The following MROH2A variants were observed in gnomAD, a reference collection of about 807,000 sequenced individuals.
MROH2A encodes maestro heat-like repeat-containing protein family member 2A.
Under a neutral mutation model 200.4 loss-of-function variants are expected in MROH2A, and 174 were observed. The observed-to-expected ratio is 0.87, with a 90% CI of 0.77 to 0.98. The LOEUF is 0.98. Ranked by LOEUF, MROH2A falls within the 50% of genes least tolerant of loss-of-function variation. MROH2A has a pLI of 0.00. For missense variants in MROH2A, 2,045 were observed against 2,139.6 expected (o/e 0.96, Z 0.87); for synonymous variants, 829 against 840.4 (o/e 0.99, Z 0.23).
intron 3 of MROH2A, among the ~76,000 whole-genome samples, chr2:233,783,162 T>C (rs1701028880): frequency 6.6e-6 from 1 of 152,206 alleles, no homozygotes. Flanking sequence ...ATCACAGATA[T>C]TGGCCTGTAG....
At chr2:233,797,031 G>T (rs1420542361) in intron 11 of MROH2A, among the ~76,000 whole-genome samples, 1 of 152,232 alleles carries the variant, frequency 6.6e-6, no homozygotes, top group Non-Finnish European at 1.5e-5. Context: ...AGGCCAGAGA[G>T]TAAAAATATT....
chr2:233,831,375 C>A (rs1398706546), intron 38 of MROH2A, 34 bp from the exon 39 acceptor site: 1 of 1,525,662 alleles, frequency 6.6e-7, no homozygotes, highest in Middle Eastern at 1.7e-4. Flanking sequence ...CGTGGCCTGG[C>A]TGATGGCTCT....
At chr2:233,795,562 G>A in intron 8 of MROH2A, 91 bp from the exon 9 acceptor site, 1 of 1,540,990 alleles carries the variant, frequency 6.5e-7, no homozygotes, top group Non-Finnish European at 8.8e-7. Context: ...CTGGTGCTCA[G>A]TGGGTCAGTG....
Position 233,831,401 on chromosome 2 carries a change from C to T in MROH2A, c.4603-8C>T. The T allele has an allele frequency of 1.3e-6, 2 of 1,544,816 alleles. No homozygotes were observed. Among genetic ancestry groups the T allele is most frequent in the Non-Finnish European group, 1.7e-6 (2 of 1,144,454 alleles). ...TGATGGCTCTGCTGCCGTCCTGTGTCCCTGCAGGCCTGTATGGCTACCATG... is the reference window on the plus strand; with the variant it reads ...TGATGGCTCTGCTGCCGTCCTGTGTTCCTGCAGGCCTGTATGGCTACCATG... On this transcript the variant is annotated splice_polypyrimidine_tract_variant and splice_region_variant and intron_variant, in intron 38 of 41. Transcript: ENST00000389758.
At chr2:233,796,457 G>C in intron 11 of MROH2A, 144 bp downstream of exon 11, 1 of 604,892 alleles carries the variant, frequency 1.7e-6, no homozygotes, top group Non-Finnish European at 2.9e-6. Flanking sequence ...GTTCTTGGCT[G>C]CTTTGCATTT....
chr2:233,792,473 C>T (rs558138488), intron 5 of MROH2A, among the ~76,000 whole-genome samples: 8 of 152,168 alleles, frequency 5.3e-5, no homozygotes, highest in South Asian at 2.1e-4. Context: ...CCAACACGCC[C>T]GGCCAATTTT....
At chr2:233,778,986 A>G (rs958017254) in intron 1 of MROH2A, among the ~76,000 whole-genome samples, 1 of 152,070 alleles carries the variant, frequency 6.6e-6, no homozygotes, top group African/African-American at 2.4e-5. Flanking sequence ...TCAGTTTCTT[A>G]TGGTTGTAGG....
At chr2:233,816,742 T>C in intron 26 of MROH2A, 39 bp from the exon 27 acceptor site, 1 of 1,442,852 alleles carries the variant, frequency 6.9e-7, no homozygotes, top group East Asian at 2.5e-5. Context: ...GGCCCCAGGA[T>C]TTTAACACCC....
chr2:233,829,869 C>G, intron 38 of MROH2A, 94 bp downstream of exon 38: 2 of 1,161,744 alleles, frequency 1.7e-6, no homozygotes, highest in Non-Finnish European at 2.2e-6. Context: ...GAGCTGCAAG[C>G]TTTTCTCTGC....
intron 35 of MROH2A, among the ~76,000 whole-genome samples, chr2:233,827,134 TTA>T (rs1704369151): frequency 6.6e-6 from 1 of 152,172 alleles, no homozygotes; most frequent in Admixed American, 6.5e-5. Flanking sequence ...GGAATGTAAA[TTA>T]GTTCAACCAT....
In MROH2A at chr2:233,829,081, G is replaced by T. The variant is rs938097699; in HGVS notation, c.4446+9G>T. ...GGATCTTCTTCGACAACGTGAGTCC[G>T]ATGAGAGCCTCCCTGAGCTTGCTCA... is the stretch of plus-strand genomic sequence containing the variant. On this transcript the variant is annotated intron_variant, in intron 37 of 41. Transcript: ENST00000389758. 4 of 1,500,890 alleles carry T rather than the reference G, an allele frequency of 2.7e-6. No individual in the cohort carries two copies. The highest frequency in any genetic ancestry group is 4.3e-5 in the Admixed American group (2 of 46,216). 93.0% of individuals were successfully genotyped at this position (1,500,890 alleles called of 1,614,324 possible).
In MROH2A at chr2:233,833,297, C is replaced by T. The variant is rs1436931502; in HGVS notation, c.*38C>T. ...TAAGACGTAAACTGTCTTCTTAGTG[C>T]CAAATGCAAGCCCTTTTTAATTTAG... On this transcript the variant is annotated 3_prime_UTR_variant, in exon 42 of 42. Transcript: ENST00000389758. 3 of 1,474,172 alleles carry T rather than the reference C, an allele frequency of 2.0e-6. No individual in the cohort carries two copies. Among genetic ancestry groups the T allele is most frequent in the Admixed American group, 2.9e-5 (1 of 34,842 alleles). The allele number at this position is 1,474,172 out of a possible 1,614,324, so 91.3% of individuals were successfully genotyped here.
chr2:233,818,598 G>C, intron 28 of MROH2A, 54 bp from the exon 29 acceptor site: 6 of 1,133,370 alleles, frequency 5.3e-6, no homozygotes, highest in Non-Finnish European at 6.5e-6. Context: ...ACGAAGGGGG[G>C]GTGGCTGGGC....
rs920240662 is a variant in MROH2A at position 233,779,328 on chromosome 2, T to G, written c.-14-17T>G. 4.7e-6 allele frequency: 7 copies of G among 1,481,874 alleles called. No homozygotes were observed. The highest frequency in any genetic ancestry group is 6.5e-6 in the Non-Finnish European group (7 of 1,084,506). The allele number at this position is 1,481,874 out of a possible 1,614,324, so 91.8% of individuals were successfully genotyped here. On this transcript the variant is annotated splice_polypyrimidine_tract_variant and intron_variant, in intron 1 of 41. Coordinates refer to ENST00000389758, the MANE Select transcript of MROH2A (RefSeq NM_001394639.1). ...GTGTCACACCCCGTATTTTACAAAT[T>G]CTGTTGATCTCAAAAGAGCTTGAGG...
chr2:233,818,450 G>C (rs984720203), intron 28 of MROH2A, among the ~76,000 whole-genome samples: 1 of 152,146 alleles, frequency 6.6e-6, no homozygotes, highest in East Asian at 1.9e-4. Flanking sequence ...GGGAGAGCAG[G>C]CCTCTGAGCT....
intron 10 of MROH2A, 45 bp from the exon 11 acceptor site, chr2:233,796,155 T>C (rs1336178228): frequency 2.0e-6 from 3 of 1,526,872 alleles, no homozygotes; most frequent in East Asian, 2.5e-5. Flanking sequence ...CTGGGCCTGC[T>C]CTGGACCCGG....
chr2:233,779,942 T>C lies in MROH2A; in HGVS notation c.276+90T>C, dbSNP rs1012078094. 1.3e-5 allele frequency: 14 copies of C among 1,110,198 alleles called. No homozygotes were observed. The African/African-American group carries it at 1.9e-4, about 15-fold the overall frequency. The allele number at this position is 1,110,198 out of a possible 1,614,324, so 68.8% of individuals were successfully genotyped here. ...GCACATAGTTACTGACTATCAGAGA[T>C]GTGATGTGTGGTACTGGGATACAGA... On this transcript the variant is annotated intron_variant, in intron 3 of 41. Coordinates refer to ENST00000389758, the MANE Select transcript of MROH2A (RefSeq NM_001394639.1).
At chr2:233,787,467 TAC>T (rs1175633762) in intron 3 of MROH2A, among the ~76,000 whole-genome samples, 3 of 130,682 alleles carry the variant, frequency 2.3e-5, no homozygotes, top group South Asian at 2.2e-4. Flanking sequence ...TATATATATA[TAC>T]ACATATACAT....
chr2:233,800,645 G>GTA (rs1702413799), intron 14 of MROH2A, among the ~76,000 whole-genome samples: 2 of 151,898 alleles, frequency 1.3e-5, no homozygotes, highest in African/African-American at 4.8e-5. Flanking sequence ...GTGTGTGTGT[G>GTA]TGTGTGTGTG....
Sources: allele counts gnomAD v4.1 joint callset (sites outside exome capture counted in the v4.1 genomes callset), GRCh38; gene constraint gnomAD v4.1.1; transcripts MANE v1.5; gene names NCBI Gene and HGNC (gene_info 2026-07-23, HGNC 2026-07-21).